The following CFAP46 variants were observed in gnomAD, a reference collection of about 807,000 sequenced individuals.
CFAP46 encodes cilia and flagella associated protein 46, also known as cilia- and flagella-associated protein 46.
Under a neutral mutation model 325.7 loss-of-function variants are expected in CFAP46, and 245 were observed. That is an observed-to-expected ratio of 0.75 (90% CI 0.68 to 0.84). The LOEUF is 0.84. CFAP46 is among the 40% of genes least tolerant of loss of function. The pLI, the probability that CFAP46 is intolerant of heterozygous loss-of-function variation, is 0.00. For synonymous variants in CFAP46, 1,523 were observed against 1,495.9 expected, an observed-to-expected ratio of 1.02 and a Z score of -0.42; for missense variants, 3,346 against 3,543.0, an observed-to-expected ratio of 0.94 and a Z score of 1.41.
chr10:132,912,907 G>A (rs1849576148), intron 18 of CFAP46, 87 bp from the exon 19 acceptor site: 8 of 1,504,300 alleles, frequency 5.3e-6, no homozygotes, highest in Non-Finnish European at 7.2e-6. Flanking sequence ...CACGGTAAGA[G>A]GCCTGAGATG....
At chr10:132,909,491 G>A (rs1031043686) in intron 20 of CFAP46, among the ~76,000 whole-genome samples, 7 of 152,208 alleles carry the variant, frequency 4.6e-5, no homozygotes, top group Non-Finnish European at 7.4e-5. Flanking sequence ...GGTGACCCCC[G>A]AGGAGGGAAG....
intron 50 of CFAP46, among the ~76,000 whole-genome samples, chr10:132,820,748 GTGTGTGCTGA>G (rs1190070237): frequency 4.6e-5 from 6 of 131,648 alleles, no homozygotes; most frequent in Admixed American, 1.6e-4. Context: ...GATGTGTGCT[GTGTGTGCTGA>G]TGTGTGCTGT....
chr10:132,883,405 C>T (rs895875064), intron 27 of CFAP46, among the ~76,000 whole-genome samples: 1 of 152,232 alleles, frequency 6.6e-6, no homozygotes, highest in African/African-American at 2.4e-5. Context: ...TGGGAAAATA[C>T]AGGCAAACAC....
chr10:132,886,480 C>G lies in CFAP46; in HGVS notation c.3305-521G>C, dbSNP rs932553933. Among the ~76,000 whole-genome samples the G allele has an allele frequency of 2.0e-5, 3 of 152,190 alleles. No homozygotes were observed. Among genetic ancestry groups the G allele is most frequent in the Non-Finnish European group, 4.4e-5 (3 of 68,024 alleles). On this transcript the variant is annotated intron_variant, in intron 25 of 57. Coordinates refer to ENST00000368586, the MANE Select transcript of CFAP46 (RefSeq NM_001200049.3). The surrounding 1 kb of genome is among the most constrained non-coding windows in gnomAD (Gnocchi z 5.8). The stretch of plus-strand genomic sequence containing the variant: ...CTGCCTTCAGGGCACACACAAAAAT[C>G]GCCTGCCTGCCGGGAGGTGAGCCCC...
In CFAP46 at chr10:132,920,063, C is replaced by G; in HGVS notation, c.1726G>C (p.Glu576Gln). Reference sequence around the variant, plus strand: ...TCTGGCCTTTTCCTCACTCACCTCTCCTTGTCGTTTTCGTTGCCCAGGCGC... The same window carrying G: ...TCTGGCCTTTTCCTCACTCACCTCTGCTTGTCGTTTTCGTTGCCCAGGCGC... ...LRRLGNENDK[E>Q]RIQIWAELAK... Residue 576 changes from glutamate (E) to glutamine (Q), a missense_variant, in exon 14 of 58, where the codon GAG becomes CAG. Glu to Gln is a conservative substitution (Grantham distance 29). Coordinates refer to ENST00000368586, the MANE Select transcript of CFAP46 (RefSeq NM_001200049.3). The G allele has an allele frequency of 6.5e-7, 1 of 1,543,950 alleles. No homozygotes were observed. Among genetic ancestry groups the G allele is most frequent in the Admixed American group, 2.0e-5 (1 of 49,814 alleles).
Position 132,896,192 on chromosome 10 carries a change from G to A in CFAP46, c.3219+2767C>T, listed in dbSNP as rs36059672. 2.8e-4 allele frequency among the ~76,000 whole-genome samples: 39 copies of A among 139,284 alleles called. 2 individuals are homozygous for A. Among genetic ancestry groups the A allele is most frequent in the African/African-American group, 7.7e-4 (27 of 35,164 alleles). The allele number at this position is 139,284 out of a possible 152,430, so 91.4% of individuals were successfully genotyped here. On this transcript the variant is annotated intron_variant, in intron 24 of 57. Transcript: ENST00000368586. ...CCAGGCTCTGTGTGCCATGAGACAC[G>A]GCGAGAAGGCAGCTAGGCTCTGTGT...
chr10:132,885,846 C>G lies in CFAP46; in HGVS notation c.3418G>C (p.Val1140Leu). ...AGGCGGTGGGCCGTCCTTGGCAGCA[C>G]CTGCACAGCCTCGTCCAGCACCTTG... ...GLKVLDEAVQ[V>L]LPRTAHRLLI... Residue 1140 changes from valine (V) to leucine (L), a missense_variant, in exon 26 of 58, where the codon GTG (valine) becomes CTG (leucine). Physicochemically the swap from Val to Leu is conservative, Grantham distance 32. Transcript: ENST00000368586. 6.5e-7 allele frequency: 1 copy of G among 1,548,156 alleles called. No individual in the cohort carries two copies. The highest frequency in any genetic ancestry group is 8.7e-7 in the Non-Finnish European group (1 of 1,146,074).
At position 132,938,467 on chromosome 10, in the gene CFAP46, G is replaced by A. The variant is rs576978715; in HGVS notation, c.536+122C>T. 62 of 926,508 alleles carry A rather than the reference G, an allele frequency of 6.7e-5. No homozygotes were observed. The Middle Eastern group carries it at 1.1e-3, about 16-fold the overall frequency. 57.4% of individuals were successfully genotyped at this position (926,508 alleles called of 1,614,324 possible). On this transcript the variant is annotated intron_variant, in intron 5 of 57. Coordinates refer to ENST00000368586, the MANE Select transcript of CFAP46 (RefSeq NM_001200049.3). ...GAAACTTGTGACTGTGGGAGAGAAC[G>A]CACATGGAGTGTGCCCCAGTGATGT...
chr10:132,892,557 C>T, intron 24 of CFAP46, 140 bp from the exon 25 acceptor site: 1 of 722,674 alleles, frequency 1.4e-6, no homozygotes, highest in Non-Finnish European at 2.3e-6. Context: ...TGTAAATTAA[C>T]CTGACAATGT....
Position 132,888,386 on chromosome 10 carries a change from G to A in CFAP46, c.3305-2427C>T, listed in dbSNP as rs113645504. Among the ~76,000 whole-genome samples the A allele has an allele frequency of 7.7e-3, 241 of 31,384 alleles. 6 individuals are homozygous for A. The highest frequency in any genetic ancestry group is 0.031 in the African/African-American group (122 of 3,918). 20.6% of individuals were successfully genotyped at this position (31,384 alleles called of 152,430 possible). A position where few individuals can be genotyped will look rare whatever the true frequency, so the allele number is the denominator to read the frequency against. ...TGCACCTGCCACCTTCACCCCTGCC[G>A]CCTGCACCCCTGCCGCCTGCACCCC... is the stretch of plus-strand genomic sequence containing the variant. On this transcript the variant is annotated intron_variant, in intron 25 of 57. Coordinates refer to ENST00000368586, the MANE Select transcript of CFAP46 (RefSeq NM_001200049.3).
intron 44 of CFAP46, among the ~76,000 whole-genome samples, chr10:132,837,309 A>T (rs1472373561): frequency 6.6e-6 from 1 of 152,240 alleles, no homozygotes; most frequent in African/African-American, 2.4e-5. Context: ...ACATACATGT[A>T]CAGACACATG....
At position 132,836,214 on chromosome 10, in the gene CFAP46, G is replaced by C. The variant is rs372401237; in HGVS notation, c.6541C>G (p.Arg2181Gly). ...TTCTCGTAGGCAGCGCCGTACAGAC[G>C]GGACCTGCTGGCAGGACGTGGGCCA... ...LFLHLSGDRS[R>G]LYGAAYEKPK... The change falls in exon 46 of 58, where the codon CGT becomes GGT. Residue 2181 changes from arginine (R) to glycine (G), a missense_variant. Arg to Gly is a moderately radical substitution (Grantham distance 125). Transcript: ENST00000368586. The C allele has an allele frequency of 6.2e-7, 1 of 1,611,042 alleles. No individual in the cohort carries two copies. The highest frequency in any genetic ancestry group is 1.3e-5 in the African/African-American group (1 of 74,316).
intron 22 of CFAP46, among the ~76,000 whole-genome samples, chr10:132,905,091 T>C (rs1849438377): frequency 6.6e-6 from 1 of 152,188 alleles, no homozygotes; most frequent in South Asian, 2.1e-4. Context: ...TCTACCAGCA[T>C]ATGTTATCTG....
intron 35 of CFAP46, among the ~76,000 whole-genome samples, chr10:132,864,566 CAA>C: frequency 8.5e-6 from 1 of 117,618 alleles, no homozygotes; most frequent in African/African-American, 3.3e-5. Context: ...CTGAGACCTG[CAA>C]ACATCTGTCC....
At chr10:132,940,283 T>C (rs1232286507) in intron 4 of CFAP46, among the ~76,000 whole-genome samples, 1 of 152,146 alleles carries the variant, frequency 6.6e-6, no homozygotes, top group Non-Finnish European at 1.5e-5. Context: ...GTATCCTATT[T>C]GAATATGTGA....
chr10:132,882,456 A>T (rs1283985612), intron 27 of CFAP46, among the ~76,000 whole-genome samples: 1 of 151,708 alleles, frequency 6.6e-6, no homozygotes, highest in Non-Finnish European at 1.5e-5. Context: ...GTCGGGTGTA[A>T]GTCCAGCCAC....
intron 22 of CFAP46, 136 bp downstream of exon 22, chr10:132,908,332 C>A (rs188436321): frequency 2.9e-6 from 3 of 1,045,292 alleles, no homozygotes; most frequent in Non-Finnish European, 2.7e-6. Flanking sequence ...TCTGTGATCG[C>A]GGCCCAGGCC....
intron 35 of CFAP46, among the ~76,000 whole-genome samples, chr10:132,865,430 G>A (rs1848798537): frequency 6.6e-6 from 1 of 152,222 alleles, no homozygotes; most frequent in African/African-American, 2.4e-5. Context: ...AGCTGGGCTT[G>A]GCTGCTCAGG....
intron 44 of CFAP46, among the ~76,000 whole-genome samples, chr10:132,838,888 C>T (rs895908089): frequency 3.3e-5 from 5 of 152,262 alleles, no homozygotes; most frequent in Admixed American, 1.3e-4. Context: ...CCCCACTGGC[C>T]GTGTCCTCCT....
Sources: gnomAD v4.1 joint callset for allele counts (sites outside exome capture counted in the v4.1 genomes callset) on GRCh38, gnomAD v4.1.1 for gene constraint, Gnocchi (gnomAD v3.1) non-coding constraint, MANE v1.5 for transcripts, NCBI Gene and HGNC (gene_info 2026-07-23, HGNC 2026-07-21) for gene names.